KIF6: variants seen among roughly 807,000 people sequenced by gnomAD.
KIF6 encodes the protein kinesin-like protein KIF6.
KIF6 carries 106 observed loss-of-function variants against 112.7 expected under a neutral mutation model. That is an observed-to-expected ratio of 0.94 (90% CI 0.80 to 1.11). The LOEUF (loss-of-function observed/expected upper bound fraction) is 1.11. Among genes scored for constraint, KIF6 ranks in the 50% least tolerant of loss-of-function variants. The pLI is 0.00. For synonymous variants in KIF6, 339 were observed against 339.9 expected (o/e 1.00, Z 0.03); for missense variants, 929 against 964.0 (o/e 0.96, Z 0.48).
At chr6:39,717,933 A>T (rs1478950338) in intron 2 of KIF6, among the ~76,000 whole-genome samples, 1 of 152,150 alleles carries the variant, frequency 6.6e-6, no homozygotes, top group Non-Finnish European at 1.5e-5. Flanking sequence ...ATCTATATAA[A>T]GAATACTTTG....
At chr6:39,444,070 A>G (rs188103157) in intron 13 of KIF6, among the ~76,000 whole-genome samples, 133 of 152,304 alleles carry the variant, frequency 8.7e-4, no homozygotes, top group African/African-American at 3.1e-3. Context: ...GAGGCATTAC[A>G]TATGTTCTTA....
At chr6:39,635,242 T>G (rs2150759319) in intron 4 of KIF6, among the ~76,000 whole-genome samples, 1 of 152,142 alleles carries the variant, frequency 6.6e-6, no homozygotes, top group South Asian at 2.1e-4. Flanking sequence ...ATGAGCCAAC[T>G]TGGTTGCAGA....
At position 39,584,946 on chromosome 6, in the gene KIF6, TGC is replaced by T. The variant is rs753242336; in HGVS notation, c.1027_1028del (p.Ala343ThrfsTer5). ...ISTCRFAQRVALIKNEAVLNE... is the reference protein window; with the variant it reads ...ISTCRFAQRVXLIKNEAVLNE... The stretch of plus-strand genomic sequence containing the variant: ...TAAGAACAGCTTCATTCTTTATGAG[TGC>T]CACTCGCTGTGCAAATCTGCAGGTT... On this transcript the variant is annotated frameshift_variant, in exon 9 of 23. Coordinates refer to ENST00000287152, the MANE Select transcript of KIF6 (RefSeq NM_145027.6). LOFTEE classifies it high-confidence loss of function. 1 of 1,612,340 alleles carries T rather than the reference TGC, an allele frequency of 6.2e-7. No homozygotes were observed. The highest frequency in any genetic ancestry group is 1.3e-5 in the African/African-American group (1 of 74,908).
Position 39,334,769 on chromosome 6 carries a change from A to AGT in KIF6, c.*1761_*1762dup, listed in dbSNP as rs1327888745. ...CCATGCCATCTTCAGGGCTCTTGAG[A>AGT]GTGTGTGTGTGTATGTGTGTGTGTG... On this transcript the variant is annotated 3_prime_UTR_variant, in exon 23 of 23. Coordinates refer to ENST00000287152, the MANE Select transcript of KIF6 (RefSeq NM_145027.6). 7 of 150,904 alleles carry AGT rather than the reference A, an allele frequency of 4.6e-5. No individual in the cohort carries two copies. The highest frequency in any genetic ancestry group is 6.6e-5 in the Admixed American group (1 of 15,190). 9.3% of individuals were successfully genotyped at this position (150,904 alleles called of 1,614,324 possible).
In KIF6 at chr6:39,378,105, T is replaced by A. The variant is rs1175003913; in HGVS notation, c.1861+7517A>T. On this transcript the variant is annotated intron_variant, in intron 16 of 22. Coordinates refer to ENST00000287152, the MANE Select transcript of KIF6 (RefSeq NM_145027.6). The surrounding 1 kb of genome is among the most constrained non-coding windows in gnomAD (Gnocchi z 5.0). ...GCTCGCTGTCGAGGAAATGGGATGT[T>A]CCAGTAAGCTCTGTTTTCACAGAAG... is the stretch of plus-strand genomic sequence containing the variant. Among the ~76,000 whole-genome samples, 2 of 152,118 alleles carry A rather than the reference T, an allele frequency of 1.3e-5. No individual in the cohort carries two copies. The highest frequency in any genetic ancestry group is 2.9e-5 in the Non-Finnish European group (2 of 68,020).
chr6:39,355,938 A>G (rs996565748), intron 19 of KIF6, among the ~76,000 whole-genome samples: 21 of 151,626 alleles, frequency 1.4e-4, no homozygotes, highest in African/African-American at 5.1e-4. Context: ...ATATTGATAC[A>G]TTGTTATTAA....
intron 13 of KIF6, among the ~76,000 whole-genome samples, chr6:39,532,081 C>T (rs1163514665): frequency 6.6e-6 from 1 of 152,140 alleles, no homozygotes; most frequent in Non-Finnish European, 1.5e-5. Context: ...TTTTCCTGGT[C>T]TTAACCGGAG....
At chr6:39,585,087 A>C in intron 8 of KIF6, 103 bp from the exon 9 acceptor site, 1 of 702,222 alleles carries the variant, frequency 1.4e-6, no homozygotes, top group Non-Finnish European at 2.5e-6. Flanking sequence ...CACACCTAAA[A>C]AGTGATGTGT....
intron 16 of KIF6, among the ~76,000 whole-genome samples, chr6:39,383,935 T>C (rs761849899): frequency 1.4e-4 from 21 of 152,234 alleles, no homozygotes; most frequent in Admixed American, 2.6e-4. Context: ...GGTTGCATTC[T>C]TGATTGTCAG....
chr6:39,685,609 T>C (rs969062475), intron 3 of KIF6, among the ~76,000 whole-genome samples: 1 of 152,256 alleles, frequency 6.6e-6, no homozygotes, highest in Non-Finnish European at 1.5e-5. Context: ...AGTTCAATCA[T>C]TTCAGTTAAT....
At chr6:39,468,152 G>C (rs1418877808) in intron 13 of KIF6, among the ~76,000 whole-genome samples, 1 of 151,450 alleles carries the variant, frequency 6.6e-6, no homozygotes, top group African/African-American at 2.4e-5. Context: ...GATCATTAGA[G>C]ATTACATACT....
intron 13 of KIF6, among the ~76,000 whole-genome samples, chr6:39,447,719 T>A (rs2150403680): frequency 6.6e-6 from 1 of 152,316 alleles, no homozygotes; most frequent in Admixed American, 6.5e-5. Context: ...TTTCAATTTC[T>A]TTGGTCCCTT....
At chr6:39,677,345 G>A (rs1787206633) in intron 3 of KIF6, among the ~76,000 whole-genome samples, 1 of 151,976 alleles carries the variant, frequency 6.6e-6, no homozygotes, top group Non-Finnish European at 1.5e-5. Context: ...ATATGCATCT[G>A]AAGGTTTTTA....
At position 39,639,496 on chromosome 6, in the gene KIF6, TA is replaced by T. The variant is rs546045861; in HGVS notation, c.399+113del. 4.0e-3 allele frequency: 3,598 copies of T among 890,620 alleles called. 16 individuals carry two copies. The highest frequency in any genetic ancestry group is 5.1e-3 in the Non-Finnish European group (3,243 of 629,868). 55.2% of individuals were successfully genotyped at this position (890,620 alleles called of 1,614,324 possible). A position where few individuals can be genotyped will look rare whatever the true frequency, so the allele number is the denominator to read the frequency against. ...GGTAAAGGCCAAAGTTATGACACAA[TA>T]AGACTTTATCATTTAGACACAATAA... On this transcript the variant is annotated intron_variant, in intron 4 of 22. Transcript: ENST00000287152.
intron 1 of KIF6, 69 bp downstream of exon 1, chr6:39,725,176 G>A: frequency 7.2e-7 from 1 of 1,387,690 alleles, no homozygotes; most frequent in Non-Finnish European, 1.0e-6. Context: ...CAGCCCCTTC[G>A]CGTGCCGCCG....
At position 39,620,831 on chromosome 6, in the gene KIF6, C is replaced by T. The variant is rs1025735181; in HGVS notation, c.510-7513G>A. Among the ~76,000 whole-genome samples, 88 of 152,064 alleles carry T rather than the reference C, an allele frequency of 5.8e-4. 1 individual carries two copies. The highest frequency in any genetic ancestry group is 2.0e-3 in the African/African-American group (83 of 41,450). On this transcript the variant is annotated intron_variant, in intron 5 of 22. Transcript: ENST00000287152. ...TTGCCCAGGCTGAAGTGCAGTGGCA[C>T]GATCTTGGCTCACTGCAACCTCCAC... is the stretch of plus-strand genomic sequence containing the variant.
intron 16 of KIF6, among the ~76,000 whole-genome samples, chr6:39,368,504 G>T (rs189247027): frequency 6.6e-6 from 1 of 152,186 alleles, no homozygotes; most frequent in Admixed American, 6.5e-5. Context: ...GTATTGACTC[G>T]TCGTTGGTAT....
chr6:39,549,862 A>G (rs1452726695), intron 10 of KIF6, among the ~76,000 whole-genome samples: 1 of 152,190 alleles, frequency 6.6e-6, no homozygotes, highest in African/African-American at 2.4e-5. Context: ...CACTCATACT[A>G]TATATGGATA....
intron 3 of KIF6, among the ~76,000 whole-genome samples, chr6:39,659,848 C>G (rs898402431): frequency 1.8e-4 from 27 of 152,184 alleles, no homozygotes; most frequent in African/African-American, 6.0e-4. Context: ...ACTAATACAT[C>G]AAGTCATGGT....
Sources: gnomAD v4.1 joint callset for allele counts (sites outside exome capture counted in the v4.1 genomes callset) on GRCh38, gnomAD v4.1.1 for gene constraint, Gnocchi (gnomAD v3.1) non-coding constraint, MANE v1.5 for transcripts, NCBI Gene and HGNC (gene_info 2026-07-23, HGNC 2026-07-21) for gene names.